POU1F1: variants seen among roughly 807,000 people sequenced by gnomAD.
The protein encoded by POU1F1 is POU class 1 homeobox 1, also known as pituitary-specific positive transcription factor 1.
POU1F1 carries 23 observed loss-of-function variants against 32.3 expected under a neutral mutation model. The ratio of observed to expected loss-of-function variants is 0.71; its 90% CI spans 0.51 to 1.01. The LOEUF (loss-of-function observed/expected upper bound fraction) is 1.01, where lower values mean the gene tolerates loss of function less well. Ranked by LOEUF, POU1F1 falls within the 50% of genes least tolerant of loss-of-function variation. The pLI is 0.00. For synonymous variants in POU1F1, 120 were observed against 115.6 expected (o/e 1.04, Z -0.25); for missense variants, 323 against 341.6 (o/e 0.95, Z 0.43).
intron 2 of POU1F1, 145 bp from the exon 3 acceptor site, chr3:87,264,657 C>A: frequency 1.5e-6 from 1 of 685,688 alleles, no homozygotes. Context: ...TTCAGTCTTC[C>A]GAAGAAGGAG....
rs776545755 is a variant in POU1F1, at chr3:87,260,003, T to A, written c.767A>T (p.Glu256Val). The change falls in exon 6 of 6, where the codon GAA (glutamate) becomes GTA (valine). Residue 256 changes from glutamate (E) to valine (V), a missense_variant. Transcript: ENST00000350375. The part of the protein sequence containing the change: ...RMAEELNLEK[E>V]VVRVWFCNRR... ...GTTGCAAAACCAAACTCTTACTACT[T>A]CTTTCTCCAGATTCAGTTCTTCAGC... 3 of 1,614,116 alleles carry A rather than the reference T, an allele frequency of 1.9e-6. No individual in the cohort carries two copies. The highest frequency in any genetic ancestry group is 2.5e-6 in the Non-Finnish European group (3 of 1,179,988).
chr3:87,264,604 A>C (rs1706582479), intron 2 of POU1F1, 92 bp from the exon 3 acceptor site: 7 of 991,534 alleles, frequency 7.1e-6, no homozygotes, highest in Admixed American at 1.9e-5. Flanking sequence ...TTAGCCCATT[A>C]TTCTGCTCTA....
At chr3:87,266,210 T>C (rs1575978933) in intron 2 of POU1F1, among the ~76,000 whole-genome samples, 2 of 147,472 alleles carry the variant, frequency 1.4e-5, no homozygotes, top group African/African-American at 4.9e-5. Context: ...ATCATAAATA[T>C]GTAGTTATTT....
chr3:87,262,037 A>T (rs929180288), intron 4 of POU1F1, 34 bp downstream of exon 4: 20 of 1,612,982 alleles, frequency 1.2e-5, no homozygotes, highest in Admixed American at 5.0e-5. Context: ...TTAGGTTAAA[A>T]CACAGCACAG....
rs1214879970 is a variant in POU1F1 at position 87,276,430 on chromosome 3, G to A, written c.33C>T (p.Thr11=). 5.0e-6 allele frequency: 8 copies of A among 1,613,874 alleles called. No homozygotes were observed. Among genetic ancestry groups the A allele is most frequent in the Non-Finnish European group, 5.9e-6 (7 of 1,179,898 alleles). Reference sequence around the variant, plus strand: ...AGGCGTCAGAATTCAGAGGTATAAAGGTATCAGCCGAAGTAAAAGCTTGGC... The same window carrying A: ...AGGCGTCAGAATTCAGAGGTATAAAAGTATCAGCCGAAGTAAAAGCTTGGC... The part of the protein sequence containing the change: MSCQAFTSAD[T]FIPLNSDASA... The change falls in exon 1 of 6, where the codon ACC becomes ACT. Residue 11 remains threonine (T), a synonymous_variant. Transcript: ENST00000350375.
Position 87,276,449 on chromosome 3 carries a change from G to T in POU1F1, c.14C>A (p.Ala5Asp), listed in dbSNP as rs776954429. The T allele has an allele frequency of 6.2e-7, 1 of 1,613,766 alleles. No homozygotes were observed. Among genetic ancestry groups the T allele is most frequent in the Non-Finnish European group, 8.5e-7 (1 of 1,179,858 alleles). MSCQ[A>D]FTSADTFIPL... ...TATAAAGGTATCAGCCGAAGTAAAAGCTTGGCAACTCATTCCCACAAGAGA... is the reference window on the plus strand; with the variant it reads ...TATAAAGGTATCAGCCGAAGTAAAATCTTGGCAACTCATTCCCACAAGAGA... The change falls in exon 1 of 6, where the codon GCT becomes GAT. Residue 5 changes from alanine to aspartate, a missense_variant. Ala to Asp is a moderately radical substitution (Grantham distance 126, BLOSUM62 -2). Coordinates refer to ENST00000350375, the MANE Select transcript of POU1F1 (RefSeq NM_000306.4).
intron 1 of POU1F1, among the ~76,000 whole-genome samples, chr3:87,273,737 G>A (rs952271438): frequency 6.6e-6 from 1 of 152,164 alleles, no homozygotes; most frequent in Non-Finnish European, 1.5e-5. Flanking sequence ...CCGTGAAGGG[G>A]TGACTGACCA....
chr3:87,275,631 T>C (rs1706812411), intron 1 of POU1F1, among the ~76,000 whole-genome samples: 2 of 152,262 alleles, frequency 1.3e-5, no homozygotes, highest in South Asian at 4.1e-4. Context: ...GCTGATTGTG[T>C]TGAGCCTGTG....
chr3:87,272,227 TCACA>T (rs533849893), intron 2 of POU1F1, among the ~76,000 whole-genome samples: 283 of 152,018 alleles, frequency 1.9e-3, no homozygotes, highest in Middle Eastern at 6.8e-3. Flanking sequence ...ACACATTTAC[TCACA>T]CAGTTTGTCA....
intron 3 of POU1F1, among the ~76,000 whole-genome samples, chr3:87,263,625 C>T (rs2106929473): frequency 6.6e-6 from 1 of 152,132 alleles, no homozygotes; most frequent in Admixed American, 6.6e-5. Context: ...AACATTTTTG[C>T]TGCGCATATA....
At chr3:87,276,240 A>G in intron 1 of POU1F1, 81 bp downstream of exon 1, 4 of 1,510,286 alleles carry the variant, frequency 2.6e-6, no homozygotes, top group Non-Finnish European at 3.7e-6. Context: ...ATGCAAAGAG[A>G]TTATTAACTA....
At chr3:87,266,108 G>T (rs1269106829) in intron 2 of POU1F1, among the ~76,000 whole-genome samples, 1 of 149,726 alleles carries the variant, frequency 6.7e-6, no homozygotes, top group Non-Finnish European at 1.5e-5. Flanking sequence ...CCAGAATACA[G>T]AAATCTTACA....
intron 1 of POU1F1, among the ~76,000 whole-genome samples, chr3:87,274,039 A>G (rs1706778461): frequency 6.6e-6 from 1 of 152,158 alleles, no homozygotes; most frequent in Non-Finnish European, 1.5e-5. Context: ...CTGTAACAAT[A>G]TATGATCTAT....
chr3:87,263,056 T>A (rs1171628807), intron 3 of POU1F1, among the ~76,000 whole-genome samples: 2 of 152,186 alleles, frequency 1.3e-5, no homozygotes, highest in African/African-American at 2.4e-5. Flanking sequence ...CTTATTACAT[T>A]ATCTATTGTT....
chr3:87,272,233 A>G (rs1441363937), intron 2 of POU1F1, among the ~76,000 whole-genome samples: 1 of 151,984 alleles, frequency 6.6e-6, no homozygotes, highest in Non-Finnish European at 1.5e-5. Context: ...TTACTCACAC[A>G]GTTTGTCATC....
At chr3:87,261,121 G>A (rs1706506867) in intron 5 of POU1F1, 152 bp downstream of exon 5, 1 of 581,232 alleles carries the variant, frequency 1.7e-6, no homozygotes. Flanking sequence ...ATGTTGGCCA[G>A]ACTGGTCTCG....
intron 5 of POU1F1, among the ~76,000 whole-genome samples, chr3:87,260,981 G>A (rs2106926704): frequency 6.6e-6 from 1 of 151,664 alleles, no homozygotes; most frequent in African/African-American, 2.4e-5. Flanking sequence ...CGCAAGCTCG[G>A]ATCACTGCAA....
At chr3:87,271,232 A>G (rs1575981758) in intron 2 of POU1F1, among the ~76,000 whole-genome samples, 1 of 152,136 alleles carries the variant, frequency 6.6e-6, no homozygotes, top group Non-Finnish European at 1.5e-5. Context: ...AACTTGTATC[A>G]GAAAGACATG....
At chr3:87,263,589 A>G (rs1706551639) in intron 3 of POU1F1, among the ~76,000 whole-genome samples, 3 of 152,122 alleles carry the variant, frequency 2.0e-5, no homozygotes, top group Admixed American at 1.3e-4. Flanking sequence ...CAGTACACAT[A>G]CTTTTGATCA....
Sources: allele counts gnomAD v4.1 joint callset (sites outside exome capture counted in the v4.1 genomes callset), GRCh38; gene constraint gnomAD v4.1.1; transcripts MANE v1.5; gene names NCBI Gene and HGNC (gene_info 2026-07-23, HGNC 2026-07-21).